EVL: variants seen among roughly 807,000 people sequenced by gnomAD.
The protein encoded by EVL is Enah/Vasp-like.
In EVL, 21 loss-of-function variants were observed where a neutral mutation model predicts 59.6. The ratio of observed to expected loss-of-function variants is 0.35; its 90% CI spans 0.25 to 0.51. EVL has a LOEUF of 0.51. Ranked by LOEUF, EVL falls within the 20% of genes least tolerant of loss-of-function variation. The pLI, the probability that EVL is intolerant of heterozygous loss-of-function variation, is 0.97. For missense variants in EVL, 462 were observed against 546.6 expected, an observed-to-expected ratio of 0.85 and a Z score of 1.54; for synonymous variants, 198 against 203.5, an observed-to-expected ratio of 0.97 and a Z score of 0.23.
chr14:100,017,187 C>T (rs1208119572), intron 1 of EVL, among the ~76,000 whole-genome samples: 1 of 152,158 alleles, frequency 6.6e-6, no homozygotes, highest in Non-Finnish European at 1.5e-5. Context: ...GTAAAATGAG[C>T]TTGGTGCTGG....
At chr14:99,991,996 G>GTGTGTGTC (rs2060878881) in intron 1 of EVL, among the ~76,000 whole-genome samples, 1 of 144,056 alleles carries the variant, frequency 6.9e-6, no homozygotes, top group South Asian at 2.3e-4. Context: ...GTGTGTGTGT[G>GTGTGTGTC]TCCAGTGATT....
At chr14:100,058,179 T>TCTAGTATAGCTCTGTGATTTATTTTCAGC (rs2061764571) in intron 1 of EVL, among the ~76,000 whole-genome samples, 2 of 152,256 alleles carry the variant, frequency 1.3e-5, no homozygotes, top group African/African-American at 4.8e-5. Context: ...TAGAGTGTCT[T>TCTAGTATAGCTCTGTGATTTATTTTCAGC]CTAGTATAGC....
intron 3 of EVL, among the ~76,000 whole-genome samples, chr14:100,103,861 G>T (rs1266935793): frequency 6.6e-6 from 1 of 152,172 alleles, no homozygotes; most frequent in East Asian, 1.9e-4. Context: ...AAGCTCCTGA[G>T]GGCAAGGAGG....
chr14:99,988,818 A>G (rs537181499), intron 1 of EVL, among the ~76,000 whole-genome samples: 1 of 152,354 alleles, frequency 6.6e-6, no homozygotes, highest in East Asian at 1.9e-4. Context: ...ACAAAAGACC[A>G]CATATTGTAT....
In EVL at chr14:100,127,424, G is replaced by A. The variant is rs186322534; in HGVS notation, c.487+653G>A. Reference sequence around the variant, plus strand: ...TATCCTGTTGACTGATGAGAAACCCGAGCCCCCACTGGTTACAGGAACGCT... The same window carrying A: ...TATCCTGTTGACTGATGAGAAACCCAAGCCCCCACTGGTTACAGGAACGCT... On this transcript the variant is annotated intron_variant, in intron 5 of 13. Transcript: ENST00000392920. This position sits in a 1 kb window ranked among gnomAD's most constrained non-coding sequence, Gnocchi z 4.2. Among the ~76,000 whole-genome samples the A allele has an allele frequency of 4.5e-4, 69 of 152,248 alleles. No individual in the cohort carries two copies. Among genetic ancestry groups the A allele is most frequent in the Admixed American group, 3.7e-3 (57 of 15,302 alleles).
chr14:100,013,887 T>C (rs561955194), intron 1 of EVL, among the ~76,000 whole-genome samples: 1 of 152,320 alleles, frequency 6.6e-6, no homozygotes, highest in East Asian at 1.9e-4. Flanking sequence ...TTATTTTTTA[T>C]ATTTTTATGG....
At chr14:99,995,722 A>G (rs556160482) in intron 1 of EVL, among the ~76,000 whole-genome samples, 98 of 152,256 alleles carry the variant, frequency 6.4e-4, no homozygotes, top group Non-Finnish European at 1.1e-3. Flanking sequence ...AGTCCTTACA[A>G]TCTGGCTTTG....
intron 1 of EVL, among the ~76,000 whole-genome samples, chr14:100,081,974 A>C (rs2062318943): frequency 6.6e-6 from 1 of 152,136 alleles, no homozygotes; most frequent in Admixed American, 6.5e-5. Context: ...AATTTAAAAG[A>C]TTAGCCAGGC....
chr14:100,137,892 C>T lies in EVL; in HGVS notation c.1094+90C>T, dbSNP rs747062389. 2.3e-6 allele frequency: 3 copies of T among 1,296,576 alleles called. No homozygotes were observed. The South Asian group carries it at 3.6e-5, about 16-fold the overall frequency. 80.3% of individuals were successfully genotyped at this position (1,296,576 alleles called of 1,614,324 possible). The stretch of plus-strand genomic sequence containing the variant: ...TGACTAACACCCTTGCACGCTGTCT[C>T]ACGTCCTGGCATTTAACAACTTGCT... On this transcript the variant is annotated intron_variant, in intron 11 of 13. Coordinates refer to ENST00000392920, the MANE Select transcript of EVL (RefSeq NM_016337.3).
Position 100,058,248 on chromosome 14 carries a change from A to G in EVL, c.6-26439A>G, listed in dbSNP as rs112300512. On this transcript the variant is annotated intron_variant, in intron 1 of 13. Coordinates refer to the EVL transcript ENST00000402714. ...CTTGGAGTCTGGACACATGGAAAGC[A>G]CATCTTTTAATTCAAGTCAACACAG... 7.9e-5 allele frequency among the ~76,000 whole-genome samples: 12 copies of G among 152,366 alleles called. 1 individual carries two copies. The highest frequency in any genetic ancestry group is 2.9e-4 in the African/African-American group (12 of 41,592).
At position 99,972,379 on chromosome 14, in the gene EVL, A is replaced by G. The variant is rs2060739949; in HGVS notation, c.5+322A>G. Among the ~76,000 whole-genome samples, 1 of 151,196 alleles carries G rather than the reference A, an allele frequency of 6.6e-6. No individual in the cohort carries two copies. Among genetic ancestry groups the G allele is most frequent in the Non-Finnish European group, 1.5e-5 (1 of 67,762 alleles). ...GGGCCTGCGGCGGCCTGGGAGGCAGACCCCCGCGGGCAGGTGTGGCCGTGT... is the reference window on the plus strand; with the variant it reads ...GGGCCTGCGGCGGCCTGGGAGGCAGGCCCCCGCGGGCAGGTGTGGCCGTGT... On this transcript the variant is annotated intron_variant, in intron 1 of 13. Coordinates refer to the EVL transcript ENST00000402714. This position sits in a 1 kb window ranked among gnomAD's most constrained non-coding sequence, Gnocchi z 4.4.
chr14:100,018,712 G>A (rs1175109093), intron 1 of EVL, among the ~76,000 whole-genome samples: 1 of 152,166 alleles, frequency 6.6e-6, no homozygotes, highest in Non-Finnish European at 1.5e-5. Flanking sequence ...GAGAAAAAAC[G>A]TCAAGAGTGA....
At chr14:100,055,019 G>T (rs1356816328) in intron 1 of EVL, among the ~76,000 whole-genome samples, 1 of 152,038 alleles carries the variant, frequency 6.6e-6, no homozygotes, top group African/African-American at 2.4e-5. Flanking sequence ...TGACCAAAAT[G>T]GTGAAACCCC....
At chr14:99,998,129 C>T (rs1471324026) in intron 1 of EVL, among the ~76,000 whole-genome samples, 1 of 152,036 alleles carries the variant, frequency 6.6e-6, no homozygotes. Flanking sequence ...AAATAATTCT[C>T]CCACCTCAGT....
Position 100,095,039 on chromosome 14 carries a change from T to TA in EVL, c.181-2435dup, listed in dbSNP as rs201277702. Among the ~76,000 whole-genome samples, 925 of 152,268 alleles carry TA rather than the reference T, an allele frequency of 6.1e-3. 6 individuals are homozygous for TA. The highest frequency in any genetic ancestry group is 0.021 in the African/African-American group (883 of 41,552). On this transcript the variant is annotated intron_variant, in intron 2 of 13. Transcript: ENST00000392920. Reference sequence around the variant, plus strand: ...CTGGGTGACAGAGCGAGACTCCGTCTAAAAAAACAAAACAAAACAAAACAA... The same window carrying TA: ...CTGGGTGACAGAGCGAGACTCCGTCTAAAAAAAACAAAACAAAACAAAACAA...
intron 2 of EVL, among the ~76,000 whole-genome samples, chr14:100,096,129 A>G (rs1437213228): frequency 6.6e-6 from 1 of 152,072 alleles, no homozygotes; most frequent in Non-Finnish European, 1.5e-5. Flanking sequence ...TCCACCCAAG[A>G]CTTGGAAAAC....
chr14:100,112,598 T>G (rs1641297043), intron 3 of EVL, among the ~76,000 whole-genome samples: 1 of 152,202 alleles, frequency 6.6e-6, no homozygotes, highest in African/African-American at 2.4e-5. Context: ...ATGCCCCAGA[T>G]GTGCCAAGCA....
At chr14:100,065,666 A>G (rs1298106856) in intron 1 of EVL, among the ~76,000 whole-genome samples, 155 bp downstream of exon 1, 2 of 152,192 alleles carry the variant, frequency 1.3e-5, no homozygotes, top group Admixed American at 1.3e-4. Context: ...GAGGTTACAC[A>G]GCAGGTTAGT....
intron 6 of EVL, 133 bp from the exon 7 acceptor site, chr14:100,129,430 G>T: frequency 1.6e-6 from 2 of 1,265,766 alleles, no homozygotes; most frequent in Non-Finnish European, 2.2e-6. Context: ...GGACCAGATG[G>T]CCCCTGAGGC....
Sources: gnomAD v4.1 joint callset for allele counts (sites outside exome capture counted in the v4.1 genomes callset) on GRCh38, gnomAD v4.1.1 for gene constraint, Gnocchi (gnomAD v3.1) non-coding constraint, MANE v1.5 for transcripts, NCBI Gene and HGNC (gene_info 2026-07-23, HGNC 2026-07-21) for gene names.